Variants in GALNT13 observed in about 807,000 individuals in gnomAD.
GALNT13 encodes UDP-GalNAc:polypeptide N-acetylgalactosaminyltransferase 13.
Under a neutral mutation model 64.2 loss-of-function variants are expected in GALNT13, and 28 were observed. The ratio of observed to expected loss-of-function variants is 0.44; its 90% CI spans 0.32 to 0.60. The LOEUF is 0.60. GALNT13 is among the 20% of genes least tolerant of loss of function. The pLI is 0.05. For missense variants in GALNT13, 577 were observed against 669.8 expected (o/e 0.86, Z 1.53); for synonymous variants, 214 against 224.6 (o/e 0.95, Z 0.42).
At chr2:153,715,172 T>G in the GALNT13 span, among the ~76,000 whole-genome samples, 2 of 152,226 alleles carry the variant, frequency 1.3e-5, no homozygotes, top group Non-Finnish European at 2.9e-5. Flanking sequence ...AGCTCAGTTA[T>G]TAACTTCACT....
chr2:153,433,194 T>C, the GALNT13 span, among the ~76,000 whole-genome samples: 5 of 152,300 alleles, frequency 3.3e-5, no homozygotes, highest in East Asian at 7.7e-4. Flanking sequence ...AGTCTCATCA[T>C]TGATTTCAAA....
At chr2:153,330,747 T>C in the GALNT13 span, among the ~76,000 whole-genome samples, 1 of 152,164 alleles carries the variant, frequency 6.6e-6, no homozygotes, top group East Asian at 1.9e-4. Context: ...ACATCTTCAT[T>C]TCCCATTCGT....
At chr2:153,854,191 A>G in the GALNT13 span, among the ~76,000 whole-genome samples, 5 of 152,042 alleles carry the variant, frequency 3.3e-5, no homozygotes, top group Non-Finnish European at 5.9e-5. Flanking sequence ...GCTAGATACA[A>G]TGTTGCCAGA....
the GALNT13 span, among the ~76,000 whole-genome samples, chr2:153,459,179 A>G: frequency 6.6e-6 from 1 of 152,212 alleles, no homozygotes; most frequent in Non-Finnish European, 1.5e-5. Flanking sequence ...GACAAAACAT[A>G]AAATATGTTG....
chr2:153,403,801 C>T, the GALNT13 span, among the ~76,000 whole-genome samples: 1 of 152,136 alleles, frequency 6.6e-6, no homozygotes, highest in Non-Finnish European at 1.5e-5. Flanking sequence ...GCACGGTGTG[C>T]TCACCCACTG....
chr2:153,484,320 T>A, the GALNT13 span, among the ~76,000 whole-genome samples: 1 of 152,182 alleles, frequency 6.6e-6, no homozygotes, highest in African/African-American at 2.4e-5. Flanking sequence ...TTTTAGTGAG[T>A]ATAGTATTCC....
At chr2:154,249,571 A>G (rs539639905) in intron 7 of GALNT13, among the ~76,000 whole-genome samples, 2 of 152,310 alleles carry the variant, frequency 1.3e-5, no homozygotes, top group African/African-American at 4.8e-5. Context: ...TTTTTAAATG[A>G]AAAACCTACT....
intron 3 of GALNT13, among the ~76,000 whole-genome samples, chr2:154,137,127 C>T (rs12614104): frequency 0.18 from 27,040 of 151,862 alleles, 4,422 homozygotes; most frequent in East Asian, 0.74. Flanking sequence ...TTATTCTTTC[C>T]CATTTGTTAT....
the GALNT13 span, among the ~76,000 whole-genome samples, chr2:153,813,240 A>T: frequency 1.3e-5 from 2 of 152,212 alleles, no homozygotes; most frequent in African/African-American, 4.8e-5. Context: ...TTTGGGGAAG[A>T]GTGAACGAGT....
At chr2:153,572,480 A>G in the GALNT13 span, among the ~76,000 whole-genome samples, 1 of 151,066 alleles carries the variant, frequency 6.6e-6, no homozygotes, top group Non-Finnish European at 1.5e-5. Context: ...TTCTTCTCAT[A>G]ATTTTGGGAT....
At chr2:153,286,346 AT>A in the GALNT13 span, among the ~76,000 whole-genome samples, 1 of 152,184 alleles carries the variant, frequency 6.6e-6, no homozygotes, top group Non-Finnish European at 1.5e-5. Context: ...ATGACTATTT[AT>A]ATAGATGAGA....
At chr2:153,731,997 T>C in the GALNT13 span, among the ~76,000 whole-genome samples, 2 of 151,982 alleles carry the variant, frequency 1.3e-5, no homozygotes, top group South Asian at 2.1e-4. Context: ...TTGAAATAAA[T>C]AGAATGCTCT....
At chr2:154,182,623 A>G (rs1414836013) in intron 4 of GALNT13, among the ~76,000 whole-genome samples, 1 of 148,730 alleles carries the variant, frequency 6.7e-6, no homozygotes, top group East Asian at 1.9e-4. Context: ...GAAAAAATAT[A>G]TATTTATTAT....
the GALNT13 span, among the ~76,000 whole-genome samples, chr2:153,255,298 CTT>C: frequency 8.5e-4 from 119 of 140,312 alleles, no homozygotes; most frequent in African/African-American, 2.6e-3. Flanking sequence ...CAACCCCTGC[CTT>C]TTTTTGTTTT....
chr2:154,386,346 G>T (rs931809643), intron 9 of GALNT13, among the ~76,000 whole-genome samples: 3 of 152,056 alleles, frequency 2.0e-5, no homozygotes, highest in Non-Finnish European at 4.4e-5. Context: ...GAAGCAGGTG[G>T]TAAGTAAGGC....
intron 8 of GALNT13, among the ~76,000 whole-genome samples, chr2:154,285,204 A>G (rs1295222594): frequency 6.6e-6 from 1 of 152,106 alleles, no homozygotes; most frequent in African/African-American, 2.4e-5. Context: ...TTTGTTATGC[A>G]AGAGCTTTTT....
chr2:153,237,405 C>T, the GALNT13 span, among the ~76,000 whole-genome samples: 2 of 151,872 alleles, frequency 1.3e-5, no homozygotes, highest in Non-Finnish European at 2.9e-5. Flanking sequence ...CCTGTAATCA[C>T]CTATTATGCT....
chr2:154,236,079 C>T, intron 4 of GALNT13: 1 of 1,222,500 alleles, frequency 8.2e-7, no homozygotes, highest in Non-Finnish European at 1.1e-6. Flanking sequence ...TAGTGTACAT[C>T]CAGATGACAG....
At chr2:153,144,745 G>A in the GALNT13 span, among the ~76,000 whole-genome samples, 1 of 151,886 alleles carries the variant, frequency 6.6e-6, no homozygotes, top group African/African-American at 2.4e-5. Context: ...CTGGGGAAAA[G>A]CAGTAATTAA....
Sources: gnomAD v4.1 joint callset for allele counts (sites outside exome capture counted in the v4.1 genomes callset) on GRCh38, gnomAD v4.1.1 for gene constraint, MANE v1.5 for transcripts, NCBI Gene and HGNC (gene_info 2026-07-23, HGNC 2026-07-21) for gene names.